The following GLB1L3 variants were observed in gnomAD, a reference collection of about 807,000 sequenced individuals.
GLB1L3 encodes galactosidase beta 1 like 3.
A neutral mutation model predicts 89.5 loss-of-function variants in GLB1L3; 89 were observed. The observed-to-expected ratio is 0.99, with a 90% CI of 0.84 to 1.19. The LOEUF is 1.19. Ranked by LOEUF, GLB1L3 falls within the 50% of genes most tolerant of loss-of-function variation. GLB1L3 has a pLI of 0.00. For missense variants in GLB1L3, 812 were observed against 813.3 expected (o/e 1.00, Z 0.02); for synonymous variants, 314 against 312.3 (o/e 1.01, Z -0.06).
chr11:134,292,063 G>A lies in GLB1L3; in HGVS notation c.730-69G>A, dbSNP rs1941390117. ...GATGCAGAACCCATGAATATGGGGAGCTGTATGTATTTCTTTTTTCCCATG... is the reference window on the plus strand; with the variant it reads ...GATGCAGAACCCATGAATATGGGGAACTGTATGTATTTCTTTTTTCCCATG... On this transcript the variant is annotated intron_variant, in intron 7 of 19. Coordinates refer to ENST00000431683, the MANE Select transcript of GLB1L3 (RefSeq NM_001080407.3). 4.0e-6 allele frequency: 4 copies of A among 1,003,588 alleles called. No homozygotes were observed. The Admixed American group carries it at 7.4e-5, about 19-fold the overall frequency. The allele number at this position is 1,003,588 out of a possible 1,614,324, so 62.2% of individuals were successfully genotyped here.
chr11:134,317,542 G>A (rs1450305411), intron 18 of GLB1L3, among the ~76,000 whole-genome samples: 1 of 152,060 alleles, frequency 6.6e-6, no homozygotes, highest in Non-Finnish European at 1.5e-5. Flanking sequence ...TTTCTTAAAT[G>A]CATTATAGTC....
chr11:134,311,658 T>C (rs1238259978), intron 13 of GLB1L3: 1 of 154,512 alleles, frequency 6.5e-6, no homozygotes, highest in Non-Finnish European at 1.4e-5. Context: ...CTGCTATCAC[T>C]ATTTTAGAGA....
Position 134,319,395 on chromosome 11 carries a change from T to A in GLB1L3, c.*453T>A. 1 of 158,896 alleles carries A rather than the reference T, an allele frequency of 6.3e-6. No individual in the cohort carries two copies. The highest frequency in any genetic ancestry group is 6.2e-5 in the Admixed American group (1 of 16,190). The allele number at this position is 158,896 out of a possible 1,614,324, so 9.8% of individuals were successfully genotyped here. A position where few individuals can be genotyped will look rare whatever the true frequency, so the allele number is the denominator to read the frequency against. ...AACAACAACAAAACAGCAGAGGAATTGTTATGTATTTTGTAGTCTATCTAT... is the reference window on the plus strand; with the variant it reads ...AACAACAACAAAACAGCAGAGGAATAGTTATGTATTTTGTAGTCTATCTAT... On this transcript the variant is annotated 3_prime_UTR_variant, in exon 20 of 20. Transcript: ENST00000431683.
At chr11:134,310,709 G>A (rs1942686605) in intron 12 of GLB1L3, 58 bp downstream of exon 12, 5 of 1,356,524 alleles carry the variant, frequency 3.7e-6, no homozygotes, top group Middle Eastern at 1.8e-4. Flanking sequence ...TCTCTGTTCT[G>A]TGGAAAAGTG....
At chr11:134,313,235 T>C (rs1380946002) in intron 15 of GLB1L3, among the ~76,000 whole-genome samples, 161 bp from the exon 16 acceptor site, 1 of 152,184 alleles carries the variant, frequency 6.6e-6, no homozygotes, top group Non-Finnish European at 1.5e-5. Flanking sequence ...AGATTGACTA[T>C]AGGAACACAA....
At chr11:134,292,917 A>T in intron 8 of GLB1L3, 1 of 604,980 alleles carries the variant, frequency 1.7e-6, no homozygotes, top group East Asian at 2.8e-5. Context: ...ACTTCTCTGC[A>T]CAGAGTGTGG....
intron 8 of GLB1L3, chr11:134,292,788 C>T (rs1348534885): frequency 1.0e-5 from 4 of 392,626 alleles, no homozygotes; most frequent in African/African-American, 4.2e-5. Context: ...GCCGTTCTGC[C>T]TCCTTAGTAG....
intron 9 of GLB1L3, among the ~76,000 whole-genome samples, chr11:134,306,366 A>G (rs932989343): frequency 4.6e-5 from 7 of 152,240 alleles, no homozygotes; most frequent in African/African-American, 9.6e-5. Context: ...CAGAATATTT[A>G]TTTTCCACTC....
In GLB1L3 at chr11:134,277,439, C is replaced by A; in HGVS notation, c.137C>A (p.Pro46Gln). 6.2e-7 allele frequency: 1 copy of A among 1,612,946 alleles called. No homozygotes were observed. The stretch of plus-strand genomic sequence containing the variant: ...AACTTCATGCTTGGAAGAGCGCATC[C>A]GTCCCAGCCTAGGTTTGCTTGAGAG... The part of the protein sequence containing the change: ...EENFMLGRAH[P>Q]SQPRFNWSHL... Residue 46 changes from proline to glutamine, a missense_variant, in exon 2 of 20, where the codon CCG (proline) becomes CAG (glutamine). Coordinates refer to ENST00000431683, the MANE Select transcript of GLB1L3 (RefSeq NM_001080407.3).
chr11:134,275,838 T>C (rs564351748), upstream of GLB1L3: 1 of 152,396 alleles, frequency 6.6e-6, no homozygotes, highest in South Asian at 2.1e-4. Context: ...AGCTGCCGGT[T>C]TAACCTCGCA....
chr11:134,281,311 C>G (rs1591532132), intron 3 of GLB1L3, 66 bp from the exon 4 acceptor site: 1 of 1,589,330 alleles, frequency 6.3e-7, no homozygotes, highest in East Asian at 2.2e-5. Flanking sequence ...GGATTTGGGG[C>G]AGACCTAACA....
intron 6 of GLB1L3, chr11:134,287,408 C>G (rs1941078464): frequency 6.6e-6 from 1 of 152,154 alleles, no homozygotes; most frequent in Admixed American, 6.5e-5. Context: ...TTTAAGGTCC[C>G]TTTACGGAAT....
downstream of GLB1L3, among the ~76,000 whole-genome samples, chr11:134,322,439 A>G (rs1943179020): frequency 6.6e-6 from 1 of 152,206 alleles, no homozygotes; most frequent in African/African-American, 2.4e-5. Context: ...ATGAGTTGTA[A>G]ACTCTTTTAA....
At chr11:134,293,839 T>G (rs1941489771) in intron 9 of GLB1L3, among the ~76,000 whole-genome samples, 1 of 152,080 alleles carries the variant, frequency 6.6e-6, no homozygotes. Flanking sequence ...CTCTCCTGGT[T>G]GTCCTTTGTG....
At position 134,277,820 on chromosome 11, in the gene GLB1L3, C is replaced by T. The variant is rs750188980; in HGVS notation, c.270C>T (p.Phe90=). ...FTLEGHKFLI[F]GGSIHYFRVP... ...TGGAGGGCCACAAGTTCCTGATCTT[C>T]GGGGGCTCCATCCACTATTTCCGGG... is the stretch of plus-strand genomic sequence containing the variant. Residue 90 remains phenylalanine (F), a synonymous_variant, in exon 3 of 20, where the codon TTC becomes TTT. Transcript: ENST00000431683. The T allele has an allele frequency of 3.1e-6, 5 of 1,613,958 alleles. No individual in the cohort carries two copies. Among genetic ancestry groups the T allele is most frequent in the East Asian group, 2.2e-5 (1 of 44,882 alleles).
At chr11:134,305,592 C>G (rs10894796) in intron 9 of GLB1L3, among the ~76,000 whole-genome samples, 47,617 of 151,932 alleles carry the variant, frequency 0.31, 8,451 homozygotes, top group African/African-American at 0.49. Context: ...TCAGTCTTTC[C>G]TCTTGAATAC....
chr11:134,286,789 AATAC>A (rs1941022713), intron 6 of GLB1L3, among the ~76,000 whole-genome samples: 2 of 149,124 alleles, frequency 1.3e-5, no homozygotes, highest in Non-Finnish European at 3.0e-5. Context: ...AAAATAAATA[AATAC>A]ATAAATAAGA....
rs539559185 is a variant in GLB1L3, at chr11:134,277,211, G to A, written c.24-115G>A. 84 of 1,353,054 alleles carry A rather than the reference G, an allele frequency of 6.2e-5. No individual in the cohort carries two copies. The African/African-American group carries it at 1.1e-3, about 18-fold the overall frequency. The allele number at this position is 1,353,054 out of a possible 1,614,324, so 83.8% of individuals were successfully genotyped here. On this transcript the variant is annotated intron_variant, in intron 1 of 19. Coordinates refer to ENST00000431683, the MANE Select transcript of GLB1L3 (RefSeq NM_001080407.3). ...CCCGCCTGGAAGACCCGCCTGTGTCGCGGGCCCCCTCCCTGGCTCTGGCCT... is the reference window on the plus strand; with the variant it reads ...CCCGCCTGGAAGACCCGCCTGTGTCACGGGCCCCCTCCCTGGCTCTGGCCT...
At position 134,313,574 on chromosome 11, in the gene GLB1L3, A is replaced by G. The variant is rs1451283755; in HGVS notation, c.1579+100A>G. The G allele has an allele frequency of 3.9e-6, 4 of 1,020,610 alleles. No individual in the cohort carries two copies. In the African/African-American group the frequency reaches 4.7e-5, roughly 12 times the overall value. The allele number at this position is 1,020,610 out of a possible 1,614,324, so 63.2% of individuals were successfully genotyped here. On this transcript the variant is annotated intron_variant, in intron 16 of 19. Transcript: ENST00000431683. ...GAGAGGGTGGGGAAACCAGCCGCTC[A>G]GCAGTGGGCTACCCAGGCCCTGGGA...
Sources: gnomAD v4.1 joint callset for allele counts (sites outside exome capture counted in the v4.1 genomes callset) on GRCh38, gnomAD v4.1.1 for gene constraint, MANE v1.5 for transcripts, NCBI Gene and HGNC (gene_info 2026-07-23, HGNC 2026-07-21) for gene names.